Variants in PCDH7 observed in about 807,000 individuals in gnomAD.
PCDH7 encodes the protein protocadherin-7.
A neutral mutation model predicts 58.9 loss-of-function variants in PCDH7; 17 were observed. The ratio of observed to expected loss-of-function variants is 0.29; its 90% CI spans 0.20 to 0.43. PCDH7 has a LOEUF of 0.43. PCDH7 is among the 20% of genes least tolerant of loss of function. The pLI is 1.00. For missense variants in PCDH7, 1,274 were observed against 1,441.0 expected, an observed-to-expected ratio of 0.88 and a Z score of 1.88; for synonymous variants, 664 against 616.4, an observed-to-expected ratio of 1.08 and a Z score of -1.14.
chr4:30,900,155 T>C (rs1454183035), intron 1 of PCDH7, among the ~76,000 whole-genome samples: 1 of 152,204 alleles, frequency 6.6e-6, no homozygotes, highest in Non-Finnish European at 1.5e-5. Context: ...TATACTGTGA[T>C]GTAAGTATTC....
At chr4:30,855,959 A>T (rs1004724692) in intron 1 of PCDH7, among the ~76,000 whole-genome samples, 8 of 152,116 alleles carry the variant, frequency 5.3e-5, no homozygotes, top group African/African-American at 1.9e-4. Flanking sequence ...CGTCTGGGTA[A>T]TCATCAACTG....
chr4:31,043,126 CT>C (rs1212518063), intron 3 of PCDH7, among the ~76,000 whole-genome samples: 1 of 152,106 alleles, frequency 6.6e-6, no homozygotes, highest in Non-Finnish European at 1.5e-5. Context: ...CCAATCACCT[CT>C]TAAAGACCTC....
At chr4:30,754,406 G>A (rs914612694) in intron 1 of PCDH7, among the ~76,000 whole-genome samples, 5 of 152,072 alleles carry the variant, frequency 3.3e-5, no homozygotes, top group Non-Finnish European at 5.9e-5. Flanking sequence ...CCCTTCTACC[G>A]AAAGCATGAT....
intron 3 of PCDH7, among the ~76,000 whole-genome samples, chr4:30,979,198 T>C (rs910310787): frequency 2.6e-5 from 4 of 151,472 alleles, no homozygotes; most frequent in Non-Finnish European, 5.9e-5. Context: ...TGGTGGTGGG[T>C]GCCCGTAGTC....
At chr4:30,961,388 CAA>C (rs36009331) in intron 3 of PCDH7, among the ~76,000 whole-genome samples, 45 of 143,814 alleles carry the variant, frequency 3.1e-4, no homozygotes, top group African/African-American at 4.5e-4. Context: ...ACTAAAAATA[CAA>C]AAAAAAAAAA....
At chr4:30,828,653 A>T (rs887342756) in intron 1 of PCDH7, among the ~76,000 whole-genome samples, 2 of 152,034 alleles carry the variant, frequency 1.3e-5, no homozygotes, top group African/African-American at 4.8e-5. Flanking sequence ...AAGGCTGGTT[A>T]CTATGGTTCC....
exon 1 of PCDH7, chr4:30,724,091 C>A (rs867458027): frequency 6.2e-7 from 1 of 1,613,950 alleles, no homozygotes; most frequent in East Asian, 2.2e-5. Flanking sequence ...GGCATTATGA[C>A]GGTGATTCTA....
At chr4:30,986,165 A>G (rs563257743) in intron 3 of PCDH7, among the ~76,000 whole-genome samples, 31 of 152,320 alleles carry the variant, frequency 2.0e-4, no homozygotes, top group African/African-American at 6.7e-4. Flanking sequence ...CTTCTTTAAA[A>G]GTTGAAATTT....
intron 1 of PCDH7, among the ~76,000 whole-genome samples, chr4:30,895,250 A>T (rs1739258352): frequency 6.6e-6 from 1 of 152,000 alleles, no homozygotes; most frequent in South Asian, 2.1e-4. Context: ...TCAGGAAAAC[A>T]GGCAGCATGT....
chr4:31,116,140 G>A (rs1204706340), intron 3 of PCDH7, among the ~76,000 whole-genome samples: 1 of 152,086 alleles, frequency 6.6e-6, no homozygotes, highest in Non-Finnish European at 1.5e-5. Context: ...TAAAATAAGT[G>A]CCTCTGACAC....
chr4:31,048,123 C>T (rs1439288423), intron 3 of PCDH7, among the ~76,000 whole-genome samples: 1 of 151,736 alleles, frequency 6.6e-6, no homozygotes, highest in Non-Finnish European at 1.5e-5. Context: ...TCTCTACTAT[C>T]TAGTTAAAGA....
At chr4:31,114,084 T>G in intron 3 of PCDH7, among the ~76,000 whole-genome samples, 1 of 152,102 alleles carries the variant, frequency 6.6e-6, no homozygotes, top group East Asian at 1.9e-4. Context: ...TCCACCCGCC[T>G]TGGCCTCTCA....
intron 3 of PCDH7, among the ~76,000 whole-genome samples, chr4:31,097,104 A>G: frequency 6.6e-6 from 1 of 152,140 alleles, no homozygotes; most frequent in South Asian, 2.1e-4. Flanking sequence ...GACATCCATT[A>G]AACAATGACA....
intron 1 of PCDH7, among the ~76,000 whole-genome samples, chr4:30,794,340 T>C (rs28629963): frequency 0.018 from 2,766 of 152,348 alleles, 93 homozygotes; most frequent in African/African-American, 0.063. Flanking sequence ...CTTTGTTAAT[T>C]GCTGGAAGCT....
At chr4:31,136,789 T>C (rs1282105333) in intron 3 of PCDH7, among the ~76,000 whole-genome samples, 1 of 152,130 alleles carries the variant, frequency 6.6e-6, no homozygotes, top group Non-Finnish European at 1.5e-5. Context: ...TTTTAGTTAT[T>C]TACGTGAAAA....
At chr4:31,090,171 G>A (rs1713042475) in intron 3 of PCDH7, among the ~76,000 whole-genome samples, 1 of 151,894 alleles carries the variant, frequency 6.6e-6, no homozygotes, top group South Asian at 2.1e-4. Flanking sequence ...ATGCCAAGTA[G>A]GCCTAATGAG....
intron 2 of PCDH7, among the ~76,000 whole-genome samples, chr4:30,927,908 G>A (rs1286342350): frequency 1.3e-5 from 2 of 152,068 alleles, no homozygotes; most frequent in Admixed American, 1.3e-4. Context: ...ACACTCTTAA[G>A]CATCTTCTAT....
intron 3 of PCDH7, among the ~76,000 whole-genome samples, chr4:31,052,135 T>A (rs1347969132): frequency 2.6e-5 from 4 of 152,122 alleles, no homozygotes; most frequent in African/African-American, 9.7e-5. Flanking sequence ...TTATTTTGTT[T>A]AAGGCATTAG....
At chr4:31,067,374 CAA>C (rs10715937) in intron 3 of PCDH7, among the ~76,000 whole-genome samples, 25,940 of 110,048 alleles carry the variant, frequency 0.24, 1,374 homozygotes, top group Middle Eastern at 0.29. Context: ...ATCACTGAGA[CAA>C]AAAAAAAAAA....
Sources: gnomAD v4.1 joint callset for allele counts (sites outside exome capture counted in the v4.1 genomes callset) on GRCh38, gnomAD v4.1.1 for gene constraint, MANE v1.5 for transcripts, NCBI Gene and HGNC (gene_info 2026-07-23, HGNC 2026-07-21) for gene names.